The following NINJ1 variants were observed in gnomAD, a reference collection of about 807,000 sequenced individuals.
NINJ1 encodes ninjurin-1.
Under a neutral mutation model 12.7 loss-of-function variants are expected in NINJ1, and 6 were observed. The ratio of observed to expected loss-of-function variants is 0.47; its 90% confidence interval spans 0.26 to 0.93. The LOEUF is 0.93. Ranked by LOEUF, NINJ1 falls within the 40% of genes least tolerant of loss-of-function variation. NINJ1 has a pLI of 0.15. For synonymous variants in NINJ1, 100 were observed against 96.0 expected, an observed-to-expected ratio of 1.04 and a Z score of -0.25; for missense variants, 170 against 213.0, an observed-to-expected ratio of 0.80 and a Z score of 1.26.
chr9:93,126,676 AG>A lies in NINJ1; in HGVS notation c.76-39del, dbSNP rs761838237. ...GAATGGTCAGCAAGGCGGGTGGGGGAGGGGGGCAAGGGCTGTGCCTGAGTCG... is the reference window on the plus strand; with the variant it reads ...GAATGGTCAGCAAGGCGGGTGGGGGAGGGGGCAAGGGCTGTGCCTGAGTCG... On this transcript the variant is annotated intron_variant, in intron 1 of 3. Transcript: ENST00000375446. The A allele has an allele frequency of 7.3e-5, 70 of 965,080 alleles. 1 individual carries two copies. The highest frequency in any genetic ancestry group is 3.1e-4 in the Middle Eastern group (1 of 3,246). 59.8% of individuals were successfully genotyped at this position (965,080 alleles called of 1,614,324 possible).
intron 1 of NINJ1, among the ~76,000 whole-genome samples, chr9:93,130,039 G>C (rs1303633943): frequency 6.6e-6 from 1 of 152,252 alleles, no homozygotes; most frequent in Non-Finnish European, 1.5e-5. Context: ...AGCAGGAGCT[G>C]CCAGGAGCTA....
Position 93,134,201 on chromosome 9 carries a change from T to C in NINJ1, c.17A>G (p.Glu6Gly). Reference protein sequence around the residue: MDSGTEEYELNGGLPP... With the variant: MDSGTGEYELNGGLPP... ...CAGGCCGCCGTTGAGCTCGTACTCCTCGGTTCCCGAGTCCATGGTGCGGCC... is the reference window on the plus strand; with the variant it reads ...CAGGCCGCCGTTGAGCTCGTACTCCCCGGTTCCCGAGTCCATGGTGCGGCC... Residue 6 changes from glutamate (E) to glycine (G), a missense_variant, in exon 1 of 4, where the codon GAG becomes GGG. By Grantham distance (98) the Glu-to-Gly change is moderately conservative. Coordinates refer to ENST00000375446, the MANE Select transcript of NINJ1 (RefSeq NM_004148.4). The C allele has an allele frequency of 1.3e-6, 2 of 1,526,880 alleles. No individual in the cohort carries two copies. The highest frequency in any genetic ancestry group is 4.0e-5 in the Admixed American group (2 of 49,512). The allele number at this position is 1,526,880 out of a possible 1,614,324, so 94.6% of individuals were successfully genotyped here.
At chr9:93,124,406 C>G (rs1423594512) in intron 3 of NINJ1, among the ~76,000 whole-genome samples, 1 of 152,146 alleles carries the variant, frequency 6.6e-6, no homozygotes, top group Non-Finnish European at 1.5e-5. Flanking sequence ...TCCTGAGTAG[C>G]TGGGACTACA....
At chr9:93,130,234 G>A (rs910421513) in intron 1 of NINJ1, among the ~76,000 whole-genome samples, 7 of 152,190 alleles carry the variant, frequency 4.6e-5, no homozygotes, top group Non-Finnish European at 7.4e-5. Flanking sequence ...GGCTCCTCAT[G>A]CAACCTTCTG....
intron 1 of NINJ1, among the ~76,000 whole-genome samples, chr9:93,128,281 C>A (rs898574808): frequency 6.6e-6 from 1 of 152,220 alleles, no homozygotes; most frequent in African/African-American, 2.4e-5. Context: ...CTGGGCCTGA[C>A]GCTGCACTCC....
At chr9:93,123,595 TTA>T (rs746203236) in intron 3 of NINJ1, among the ~76,000 whole-genome samples, 43 of 152,134 alleles carry the variant, frequency 2.8e-4, no homozygotes, top group Admixed American at 4.6e-4. Flanking sequence ...GGGGAAATTT[TTA>T]TATATCCTTG....
intron 1 of NINJ1, among the ~76,000 whole-genome samples, chr9:93,129,707 C>G (rs1827863358): frequency 6.6e-6 from 1 of 152,144 alleles, no homozygotes. Flanking sequence ...GGAGGTTTTC[C>G]CAGAGCCATC....
chr9:93,125,336 C>T (rs1396826706), intron 2 of NINJ1: 9 of 282,710 alleles, frequency 3.2e-5, no homozygotes, highest in Admixed American at 1.0e-4. Context: ...AAGCTATGGA[C>T]GTCAACCAAA....
At chr9:93,131,766 G>A (rs1056544203) in intron 1 of NINJ1, among the ~76,000 whole-genome samples, 1 of 152,220 alleles carries the variant, frequency 6.6e-6, no homozygotes, top group African/African-American at 2.4e-5. Flanking sequence ...CAGGGCACAC[G>A]GGGTAGGGGA....
At position 93,126,572 on chromosome 9, in the gene NINJ1, C is replaced by T. The variant is rs571472744; in HGVS notation, c.142G>A (p.Ala48Thr). 3 of 1,613,956 alleles carry T rather than the reference C, an allele frequency of 1.9e-6. No homozygotes were observed. In the East Asian group the frequency reaches 6.7e-5, roughly 36 times the overall value. Residue 48 changes from alanine to threonine, a missense_variant, in exon 2 of 4, where the codon GCC becomes ACC. Coordinates refer to ENST00000375446, the MANE Select transcript of NINJ1 (RefSeq NM_004148.4). ...VNHYASKKSAAESMLDIALLM... is the reference protein window; with the variant it reads ...VNHYASKKSATESMLDIALLM... Reference sequence around the variant, plus strand: ...AGCGCGATGTCCAGCATGCTCTCGGCTGCGCTCTTCTTGCTGGCGTAATGG... The same window carrying T: ...AGCGCGATGTCCAGCATGCTCTCGGTTGCGCTCTTCTTGCTGGCGTAATGG...
rs779257590 is a variant in NINJ1 at position 93,126,403 on chromosome 9, G to C, written c.304+7C>G. 191 of 1,609,486 alleles carry C rather than the reference G, an allele frequency of 1.2e-4. No homozygotes were observed. The highest frequency in any genetic ancestry group is 1.5e-4 in the Admixed American group (9 of 59,796). ...GGTGGCCTGGCTGCCCCCACCTGGG[G>C]ACCTACCAAGGAAGATGAGCAGCAC... is the stretch of plus-strand genomic sequence containing the variant. On this transcript the variant is annotated splice_region_variant and intron_variant, in intron 2 of 3. Transcript: ENST00000375446.
intron 1 of NINJ1, among the ~76,000 whole-genome samples, chr9:93,133,058 C>T (rs1386479841): frequency 6.6e-6 from 1 of 152,232 alleles, no homozygotes; most frequent in African/African-American, 2.4e-5. Context: ...CTGCCTATTG[C>T]TCCAAAGTGC....
chr9:93,134,089 C>T, intron 1 of NINJ1, 54 bp downstream of exon 1: 1 of 1,384,880 alleles, frequency 7.2e-7, no homozygotes. Context: ...AGCCGCGGCG[C>T]CCCGAAAGGA....
At chr9:93,130,111 A>G (rs1156676850) in intron 1 of NINJ1, among the ~76,000 whole-genome samples, 1 of 152,252 alleles carries the variant, frequency 6.6e-6, no homozygotes, top group African/African-American at 2.4e-5. Context: ...CCTGGTTAAT[A>G]GATTCCCAGA....
At chr9:93,131,055 A>C (rs1424812781) in intron 1 of NINJ1, among the ~76,000 whole-genome samples, 1 of 152,220 alleles carries the variant, frequency 6.6e-6, no homozygotes, top group Non-Finnish European at 1.5e-5. Context: ...GGCTTCCGGC[A>C]TCCCTTGTCT....
intron 1 of NINJ1, among the ~76,000 whole-genome samples, chr9:93,133,819 C>T (rs1489616228): frequency 6.6e-6 from 1 of 152,158 alleles, no homozygotes; most frequent in African/African-American, 2.4e-5. Context: ...TCGGGAAAGC[C>T]GGGCGCCGGC....
At chr9:93,124,033 A>G (rs1300467812) in intron 3 of NINJ1, among the ~76,000 whole-genome samples, 4 of 152,260 alleles carry the variant, frequency 2.6e-5, no homozygotes, top group African/African-American at 7.2e-5. Flanking sequence ...TAAGGCAGGC[A>G]GCTAACAGAT....
intron 1 of NINJ1, among the ~76,000 whole-genome samples, 182 bp downstream of exon 1, chr9:93,133,961 G>T (rs898722422): frequency 3.9e-5 from 6 of 152,220 alleles, no homozygotes; most frequent in African/African-American, 1.4e-4. Flanking sequence ...CTTGCCGGGG[G>T]TGGCTGGAGC....
intron 1 of NINJ1, among the ~76,000 whole-genome samples, chr9:93,126,917 C>T (rs1246767675): frequency 1.3e-5 from 2 of 152,140 alleles, no homozygotes; most frequent in Admixed American, 6.5e-5. Context: ...AAGCATTGCC[C>T]GATCCTCCCA....
Sources: gnomAD v4.1 joint callset for allele counts (sites outside exome capture counted in the v4.1 genomes callset) on GRCh38, gnomAD v4.1.1 for gene constraint, MANE v1.5 for transcripts, NCBI Gene and HGNC (gene_info 2026-07-23, HGNC 2026-07-21) for gene names.